CLMN: variants seen among roughly 807,000 people sequenced by gnomAD.
CLMN encodes calmin (calponin-like, transmembrane).
A neutral mutation model predicts 92.7 loss-of-function variants in CLMN; 57 were observed. That is an observed-to-expected ratio of 0.61 (90% CI 0.50 to 0.77). CLMN has a LOEUF of 0.77. Among genes scored for constraint, CLMN ranks in the 30% least tolerant of loss-of-function variants. CLMN has a pLI of 0.00. For synonymous variants in CLMN, 466 were observed against 470.6 expected (o/e 0.99, Z 0.13); for missense variants, 1,158 against 1,237.5 (o/e 0.94, Z 0.96).
At chr14:95,255,680 C>G (rs1233300378) in intron 1 of CLMN, among the ~76,000 whole-genome samples, 1 of 152,138 alleles carries the variant, frequency 6.6e-6, no homozygotes, top group African/African-American at 2.4e-5. Flanking sequence ...CACCCTTTCA[C>G]AATTCACAAG....
At chr14:95,229,314 G>T (rs1360324964) in intron 2 of CLMN, among the ~76,000 whole-genome samples, 2 of 152,064 alleles carry the variant, frequency 1.3e-5, no homozygotes, top group African/African-American at 4.8e-5. Flanking sequence ...TCTTCCTTTA[G>T]TCTGTTTCAA....
At chr14:95,316,885 C>G (rs1433659474) in intron 1 of CLMN, among the ~76,000 whole-genome samples, 2 of 152,324 alleles carry the variant, frequency 1.3e-5, no homozygotes, top group Admixed American at 6.5e-5. Context: ...CTGCTGCCTA[C>G]AGATGGAGGC....
chr14:95,273,765 C>T (rs906051891), intron 1 of CLMN, among the ~76,000 whole-genome samples: 5 of 152,192 alleles, frequency 3.3e-5, no homozygotes, highest in Non-Finnish European at 5.9e-5. Flanking sequence ...TCTGCCCTTC[C>T]GTGCCTGAGT....
At chr14:95,224,808 A>G (rs188053013) in intron 2 of CLMN, among the ~76,000 whole-genome samples, 1 of 152,312 alleles carries the variant, frequency 6.6e-6, no homozygotes, top group Admixed American at 6.5e-5. Context: ...AGACTGCTTT[A>G]GTCTTCAAGT....
rs138075749 is a variant in CLMN at position 95,303,397 on chromosome 14, C to T, written c.82+16314G>A. Among the ~76,000 whole-genome samples the T allele has an allele frequency of 2.6e-4, 40 of 152,340 alleles. 1 individual carries two copies. The East Asian group carries it at 6.6e-3, about 25-fold the overall frequency. The stretch of plus-strand genomic sequence containing the variant: ...TGAGCGGGGTGTCAAATTAACCCCA[C>T]GCCCACCCCTGCCACGCCAAGCTCA... On this transcript the variant is annotated intron_variant, in intron 1 of 12. Transcript: ENST00000298912.
intron 1 of CLMN, among the ~76,000 whole-genome samples, chr14:95,232,968 C>A (rs572643156): frequency 6.6e-6 from 1 of 152,244 alleles, no homozygotes; most frequent in South Asian, 2.1e-4. Context: ...ATTTCTTACC[C>A]GTGACAACTA....
intron 1 of CLMN, among the ~76,000 whole-genome samples, chr14:95,302,766 C>A (rs1901113062): frequency 6.6e-6 from 1 of 152,120 alleles, no homozygotes; most frequent in South Asian, 2.1e-4. Flanking sequence ...TAGAAGAGAC[C>A]AACACACCAC....
At chr14:95,316,778 T>C (rs1381947656) in intron 1 of CLMN, among the ~76,000 whole-genome samples, 1 of 152,210 alleles carries the variant, frequency 6.6e-6, no homozygotes, top group African/African-American at 2.4e-5. Flanking sequence ...AGCTCAGGGC[T>C]ACCCCTCATT....
intron 1 of CLMN, among the ~76,000 whole-genome samples, chr14:95,286,119 A>G (rs142957950): frequency 3.1e-4 from 47 of 152,332 alleles, no homozygotes; most frequent in African/African-American, 1.1e-3. Context: ...TAATTATTTC[A>G]GGTGTGATCA....
At chr14:95,280,357 CTT>C (rs1831276922) in intron 1 of CLMN, among the ~76,000 whole-genome samples, 1 of 152,124 alleles carries the variant, frequency 6.6e-6, no homozygotes, top group East Asian at 1.9e-4. Context: ...TAGATTCTCT[CTT>C]GAGCAAGATT....
intron 1 of CLMN, among the ~76,000 whole-genome samples, chr14:95,303,358 C>T (rs954580002): frequency 6.6e-6 from 1 of 152,226 alleles, no homozygotes; most frequent in African/African-American, 2.4e-5. Context: ...GTAATCACAA[C>T]AAGTGCACGA....
rs373618801 is a variant in CLMN at position 95,265,327 on chromosome 14, CT to C, written c.83-35195del. Among the ~76,000 whole-genome samples the C allele has an allele frequency of 4.4e-3, 670 of 152,282 alleles. 10 individuals are homozygous for C. The highest frequency in any genetic ancestry group is 0.015 in the African/African-American group (639 of 41,558). ...TGGGCTCCATCTAATCAGTTAAAGC[CT>C]TAACACAAAGCGTGACCTCCTCTGA... On this transcript the variant is annotated intron_variant, in intron 1 of 12. Coordinates refer to ENST00000298912, the MANE Select transcript of CLMN (RefSeq NM_024734.4).
chr14:95,305,702 C>G (rs547249060), intron 1 of CLMN, among the ~76,000 whole-genome samples: 15 of 152,270 alleles, frequency 9.9e-5, no homozygotes, highest in Non-Finnish European at 2.2e-4. Context: ...ATTAAGGGCA[C>G]AGCATAATGG....
At chr14:95,207,916 A>T (rs1329854243) in intron 8 of CLMN, among the ~76,000 whole-genome samples, 1 of 152,196 alleles carries the variant, frequency 6.6e-6, no homozygotes, top group African/African-American at 2.4e-5. Context: ...AACTTTGGAA[A>T]CACAGAGGGT....
In CLMN at chr14:95,186,214, C is replaced by T. The variant is rs1896436405; in HGVS notation, c.*5350G>A. The T allele has an allele frequency of 6.6e-6, 1 of 152,244 alleles. No individual in the cohort carries two copies. The highest frequency in any genetic ancestry group is 2.4e-5 in the African/African-American group (1 of 41,450). The allele number at this position is 152,244 out of a possible 1,614,324, so 9.4% of individuals were successfully genotyped here. ...ATAATTCCTGAGGTTTTCGAACAGT[C>T]TGTGACTTACAGAGATCAACAACAC... On this transcript the variant is annotated 3_prime_UTR_variant, in exon 13 of 13. Coordinates refer to ENST00000298912, the MANE Select transcript of CLMN (RefSeq NM_024734.4).
At chr14:95,206,822 T>C (rs2144814) in intron 8 of CLMN, among the ~76,000 whole-genome samples, 1 of 152,354 alleles carries the variant, frequency 6.6e-6, no homozygotes, top group East Asian at 1.9e-4. Context: ...CTCACACAAA[T>C]ACCGTATGTT....
chr14:95,291,295 C>A (rs1183209427), intron 1 of CLMN, among the ~76,000 whole-genome samples: 3 of 152,188 alleles, frequency 2.0e-5, no homozygotes, highest in African/African-American at 7.2e-5. Flanking sequence ...AAATGGGAGC[C>A]AGGCAGCCTA....
chr14:95,307,768 T>G (rs911081733), intron 1 of CLMN: 2 of 152,106 alleles, frequency 1.3e-5, no homozygotes, highest in African/African-American at 2.4e-5. Flanking sequence ...TCCACGCTTG[T>G]GTACATGAAA....
chr14:95,199,132 C>T (rs1218684036), intron 9 of CLMN: 1 of 151,528 alleles, frequency 6.6e-6, no homozygotes, highest in Non-Finnish European at 1.5e-5. Context: ...GGATGCTGCT[C>T]CTCCTAGGGC....
Sources: gnomAD v4.1 joint callset for allele counts (sites outside exome capture counted in the v4.1 genomes callset) on GRCh38, gnomAD v4.1.1 for gene constraint, MANE v1.5 for transcripts, NCBI Gene and HGNC (gene_info 2026-07-23, HGNC 2026-07-21) for gene names.